Variants in ACO1 observed in about 807,000 individuals in gnomAD.
ACO1 encodes the protein cytoplasmic aconitate hydratase.
In ACO1, 78 loss-of-function variants were observed where a neutral mutation model predicts 105.1. The observed-to-expected ratio is 0.74, with a 90% confidence interval of 0.62 to 0.90. The LOEUF (loss-of-function observed/expected upper bound fraction) is 0.90, where lower values mean the gene tolerates loss of function less well. Ranked by LOEUF, ACO1 falls within the 40% of genes least tolerant of loss-of-function variation. The probability of loss-of-function intolerance (pLI) is 0.00; values close to 1 mark genes in which losing one functional copy is unlikely to be tolerated. For synonymous variants in ACO1, 364 were observed against 397.4 expected, an observed-to-expected ratio of 0.92 and a Z score of 1.00; for missense variants, 965 against 1,111.1, an observed-to-expected ratio of 0.87 and a Z score of 1.87.
In ACO1 at chr9:32,452,155, C is replaced by T. The variant is rs1170001153; in HGVS notation, c.*2044C>T. 14 of 152,100 alleles carry T rather than the reference C, an allele frequency of 9.2e-5. 1 individual carries two copies. The highest frequency in any genetic ancestry group is 9.2e-4 in the Admixed American group (14 of 15,276). 9.4% of individuals were successfully genotyped at this position (152,100 alleles called of 1,614,324 possible). A position where few individuals can be genotyped will look rare whatever the true frequency, so the allele number is the denominator to read the frequency against. On this transcript the variant is annotated 3_prime_UTR_variant, in exon 21 of 21. Transcript: ENST00000309951. ...TAAGATCAGTCCTAGAATAAAAACA[C>T]TAAGAATGGCTGAGAAAACAGACCT...
At position 32,450,043 on chromosome 9, in the gene ACO1, G is replaced by A. The variant is rs201266375; in HGVS notation, c.2602G>A (p.Asp868Asn). 2.7e-5 allele frequency: 43 copies of A among 1,614,012 alleles called. No individual in the cohort carries two copies. Among genetic ancestry groups the A allele is most frequent in the Middle Eastern group, 1.7e-4 (1 of 6,056 alleles). ...TFQAVMRFDT[D>N]VELTYFLNGG... ...CCAGGCTGTCATGAGGTTTGACACT[G>A]ATGTGGAGCTCACTTATTTCCTCAA... is the stretch of plus-strand genomic sequence containing the variant. Residue 868 changes from aspartate to asparagine, a missense_variant, in exon 21 of 21, where the codon GAT (aspartate) becomes AAT (asparagine). Asp to Asn is a conservative substitution (Grantham distance 23). Coordinates refer to ENST00000309951, the MANE Select transcript of ACO1 (RefSeq NM_002197.3).
chr9:32,440,464 G>A lies in ACO1; in HGVS notation c.2248-1G>A, dbSNP rs142150163. The A allele has an allele frequency of 3.7e-5, 59 of 1,613,532 alleles. No individual in the cohort carries two copies. Among genetic ancestry groups the A allele is most frequent in the African/African-American group, 1.3e-5 (1 of 74,884 alleles). On this transcript the variant is annotated splice_acceptor_variant, in intron 18 of 20. Transcript: ENST00000309951. LOFTEE classifies it high-confidence loss of function. ...GTAAAACTTCCTTTTCTCTTCCTCA[G>A]CTTGATGTGTTTGATGCTGCTGAGC...
At chr9:32,405,808 A>G (rs965466327) in intron 2 of ACO1, among the ~76,000 whole-genome samples, 2 of 152,240 alleles carry the variant, frequency 1.3e-5, no homozygotes, top group African/African-American at 4.8e-5. Context: ...TGACATTTAT[A>G]TAACACTTTA....
chr9:32,407,993 A>G lies in ACO1; in HGVS notation c.267-521A>G, dbSNP rs188121214. Among the ~76,000 whole-genome samples the G allele has an allele frequency of 2.0e-3, 305 of 152,318 alleles. 2 individuals carry two copies. Among genetic ancestry groups the G allele is most frequent in the Non-Finnish European group, 8.2e-4 (56 of 68,024 alleles). The stretch of plus-strand genomic sequence containing the variant: ...TAATTGATGTTATTTTATTCCTTCT[A>G]GAGACCCAGTTTCATTTTTCTAGAG... On this transcript the variant is annotated intron_variant, in intron 3 of 20. Transcript: ENST00000309951.
In ACO1 at chr9:32,421,018, G is replaced by C. The variant is rs754906830; in HGVS notation, c.961G>C (p.Val321Leu). Residue 321 changes from valine to leucine, a missense_variant, in exon 8 of 21, where the codon GTG becomes CTG. Physicochemically the swap from Val to Leu is conservative, Grantham distance 32. Transcript: ENST00000309951. ...TGATGAAGTTAGTATCACGTACCTG[G>C]TGCAAACAGGTAAGTGAAGGGCCCT... ...PVDEVSITYL[V>L]QTGRDEEKLK... The C allele has an allele frequency of 2.7e-5, 43 of 1,613,732 alleles. No homozygotes were observed. The highest frequency in any genetic ancestry group is 3.5e-5 in the Non-Finnish European group (41 of 1,179,846).
rs1163645934 is a variant in ACO1, at chr9:32,450,377, C to T, written c.*266C>T. On this transcript the variant is annotated 3_prime_UTR_variant, in exon 21 of 21. Transcript: ENST00000309951. Reference sequence around the variant, plus strand: ...GTAGTGCCAGAAAGAGAGAACCAAGCTTGTCTTTAAAGTTACTGATCACAG... The same window carrying T: ...GTAGTGCCAGAAAGAGAGAACCAAGTTTGTCTTTAAAGTTACTGATCACAG... 1 of 503,544 alleles carries T rather than the reference C, an allele frequency of 2.0e-6. No homozygotes were observed. The highest frequency in any genetic ancestry group is 3.7e-6 in the Non-Finnish European group (1 of 267,188). The allele number at this position is 503,544 out of a possible 1,614,324, so 31.2% of individuals were successfully genotyped here.
intron 4 of ACO1, 100 bp from the exon 5 acceptor site, chr9:32,418,028 C>T: frequency 5.1e-6 from 5 of 983,572 alleles, no homozygotes; most frequent in Non-Finnish European, 7.8e-6. Context: ...ACTCAGCAAG[C>T]AAGGAGATGC....
At chr9:32,408,481 T>G in intron 3 of ACO1, 33 bp from the exon 4 acceptor site, 3 of 1,612,606 alleles carry the variant, frequency 1.9e-6, no homozygotes, top group Non-Finnish European at 2.5e-6. Context: ...CATTTAAGGC[T>G]TATTTTCTGC....
chr9:32,437,589 G>A (rs1010025603), intron 18 of ACO1, among the ~76,000 whole-genome samples: 3 of 152,134 alleles, frequency 2.0e-5, no homozygotes, highest in African/African-American at 4.8e-5. Flanking sequence ...TGTACCACAC[G>A]CATTTACAAG....
chr9:32,403,402 G>A (rs1475123477), intron 1 of ACO1, among the ~76,000 whole-genome samples: 1 of 152,152 alleles, frequency 6.6e-6, no homozygotes, highest in East Asian at 1.9e-4. Context: ...AAACTAGACA[G>A]TTATCTAGCT....
intron 4 of ACO1, among the ~76,000 whole-genome samples, chr9:32,410,288 G>A (rs1001760649): frequency 6.6e-6 from 1 of 152,204 alleles, no homozygotes; most frequent in African/African-American, 2.4e-5. Flanking sequence ...GCCGGGCGTG[G>A]TGGCTCACGC....
intron 1 of ACO1, among the ~76,000 whole-genome samples, chr9:32,404,632 T>C (rs1356061345): frequency 1.3e-5 from 2 of 152,262 alleles, no homozygotes; most frequent in Non-Finnish European, 2.9e-5. Context: ...CCAGGCTCTT[T>C]AGTCCCTGTA....
intron 15 of ACO1, among the ~76,000 whole-genome samples, chr9:32,433,284 A>T (rs1425746880): frequency 6.6e-6 from 1 of 152,148 alleles, no homozygotes; most frequent in Non-Finnish European, 1.5e-5. Context: ...CCCAGGCTGG[A>T]GTGCAGTAGT....
In ACO1 at chr9:32,451,146, A is replaced by AGTCG. The variant is rs1276424760; in HGVS notation, c.*1035_*1036insGTCG. The AGTCG allele has an allele frequency of 1.3e-5, 2 of 151,834 alleles. No individual in the cohort carries two copies. The highest frequency in any genetic ancestry group is 4.8e-5 in the African/African-American group (2 of 41,296). 9.4% of individuals were successfully genotyped at this position (151,834 alleles called of 1,614,324 possible). ...TCTGCTCATTTTTACCCCTGTAGTC[A>AGTCG]TTTCTGGGCATGCCTTAGTTTGCTT... On this transcript the variant is annotated 3_prime_UTR_variant, in exon 21 of 21. Coordinates refer to ENST00000309951, the MANE Select transcript of ACO1 (RefSeq NM_002197.3).
At chr9:32,407,224 C>G in intron 2 of ACO1, 37 bp from the exon 3 acceptor site, 12 of 1,606,574 alleles carry the variant, frequency 7.5e-6, no homozygotes, top group Non-Finnish European at 1.0e-5. Context: ...TAAGTTGTCT[C>G]ACAGGTTTTG....
intron 19 of ACO1, among the ~76,000 whole-genome samples, chr9:32,448,656 C>T (rs73479403): frequency 6.6e-6 from 1 of 152,190 alleles, no homozygotes; most frequent in African/African-American, 2.4e-5. Context: ...CGCCCCACCC[C>T]ACTTGAGCGC....
At chr9:32,448,355 A>T (rs1470515251) in intron 19 of ACO1, among the ~76,000 whole-genome samples, 4 of 152,330 alleles carry the variant, frequency 2.6e-5, no homozygotes, top group Admixed American at 2.6e-4. Context: ...AGCCTCAGCA[A>T]TGGCCGATGC....
intron 17 of ACO1, among the ~76,000 whole-genome samples, chr9:32,435,338 A>G (rs1342239173): frequency 2.0e-5 from 3 of 152,078 alleles, no homozygotes; most frequent in African/African-American, 7.2e-5. Context: ...CCTTTTTTCT[A>G]TTGATTGTTG....
At chr9:32,402,840 G>A (rs1821526671) in intron 1 of ACO1, among the ~76,000 whole-genome samples, 2 of 152,140 alleles carry the variant, frequency 1.3e-5, no homozygotes, top group African/African-American at 4.8e-5. Context: ...TCCAAATTCC[G>A]GAGTCCTCTA....
Sources: allele counts gnomAD v4.1 joint callset (sites outside exome capture counted in the v4.1 genomes callset), GRCh38; gene constraint gnomAD v4.1.1; transcripts MANE v1.5; gene names NCBI Gene and HGNC (gene_info 2026-07-23, HGNC 2026-07-21).